FHOD3: variants seen among roughly 807,000 people sequenced by gnomAD.
FHOD3 encodes the protein FH1/FH2 domain-containing protein 3.
A neutral mutation model predicts 173.0 loss-of-function variants in FHOD3; 90 were observed. The ratio of observed to expected loss-of-function variants is 0.52; its 90% confidence interval spans 0.44 to 0.62. The LOEUF (loss-of-function observed/expected upper bound fraction) is 0.62. Among genes scored for constraint, FHOD3 ranks in the 20% least tolerant of loss-of-function variants. The probability of loss-of-function intolerance (pLI) is 0.00; values close to 1 mark genes in which losing one functional copy is unlikely to be tolerated. For missense variants in FHOD3, 1,945 were observed against 2,034.7 expected, an observed-to-expected ratio of 0.96 and a Z score of 0.85; for synonymous variants, 828 against 823.0, an observed-to-expected ratio of 1.01 and a Z score of -0.10.
intron 9 of FHOD3, among the ~76,000 whole-genome samples, chr18:36,623,415 C>A (rs765044670): frequency 2.0e-5 from 3 of 152,156 alleles, no homozygotes; most frequent in Non-Finnish European, 4.4e-5. Context: ...ATGAAAAAAA[C>A]ATTGGCTAGA....
intron 19 of FHOD3, among the ~76,000 whole-genome samples, chr18:36,723,563 T>G (rs1486635211): frequency 1.3e-5 from 2 of 152,178 alleles, no homozygotes; most frequent in African/African-American, 2.4e-5. Flanking sequence ...CATCACTCTT[T>G]TGGCAGGGAG....
chr18:36,327,992 C>G (rs750877155), intron 1 of FHOD3, among the ~76,000 whole-genome samples: 1 of 152,204 alleles, frequency 6.6e-6, no homozygotes, highest in Non-Finnish European at 1.5e-5. Context: ...CAAGCCCCCC[C>G]ACAACCTTAG....
At chr18:36,539,396 G>A (rs2057118425) in intron 5 of FHOD3, among the ~76,000 whole-genome samples, 1 of 152,252 alleles carries the variant, frequency 6.6e-6, no homozygotes, top group African/African-American at 2.4e-5. Context: ...TATTCTGGGT[G>A]AAGGTGCAGA....
At position 36,492,159 on chromosome 18, in the gene FHOD3, A is replaced by G. The variant is rs2054504485; in HGVS notation, c.338-9773A>G. On this transcript the variant is annotated intron_variant, in intron 3 of 28. Transcript: ENST00000590592. ...CGTGGTCTTAAAAATTAAATCATTT[A>G]TTGACATATTAGATGCTGGGGACAC... Among the ~76,000 whole-genome samples, 2 of 152,158 alleles carry G rather than the reference A, an allele frequency of 1.3e-5. 1 individual carries two copies. The highest frequency in any genetic ancestry group is 4.2e-4 in the South Asian group (2 of 4,812).
chr18:36,475,348 G>A (rs1050866475), intron 3 of FHOD3, among the ~76,000 whole-genome samples: 1 of 152,008 alleles, frequency 6.6e-6, no homozygotes, highest in African/African-American at 2.4e-5. Flanking sequence ...TTGGCTGCTG[G>A]CATTTTTGGC....
At chr18:36,395,376 C>T (rs781430458) in intron 3 of FHOD3, among the ~76,000 whole-genome samples, 5 of 151,824 alleles carry the variant, frequency 3.3e-5, no homozygotes, top group Admixed American at 6.6e-5. Flanking sequence ...AAACTATACT[C>T]ACTTCACTTT....
intron 13 of FHOD3, among the ~76,000 whole-genome samples, chr18:36,655,993 G>A (rs1265831009): frequency 6.6e-6 from 1 of 152,202 alleles, no homozygotes; most frequent in Non-Finnish European, 1.5e-5. Flanking sequence ...GTGGTGGGAA[G>A]GGAATTGTTT....
At chr18:36,436,603 C>A (rs1043667276) in intron 3 of FHOD3, among the ~76,000 whole-genome samples, 2 of 152,140 alleles carry the variant, frequency 1.3e-5, no homozygotes, top group African/African-American at 4.8e-5. Flanking sequence ...TATTGCACAT[C>A]TATGAAACAT....
intron 21 of FHOD3, 89 bp from the exon 22 acceptor site, chr18:36,742,648 G>A (rs566871193): frequency 1.2e-5 from 17 of 1,383,662 alleles, no homozygotes; most frequent in East Asian, 2.3e-5. Context: ...GGAGAACACC[G>A]TGTGTTATTC....
intron 3 of FHOD3, among the ~76,000 whole-genome samples, chr18:36,404,454 C>A (rs971567902): frequency 6.6e-6 from 1 of 152,204 alleles, no homozygotes; most frequent in East Asian, 1.9e-4. Flanking sequence ...CAGCAGCTGA[C>A]ACCTAAAAGG....
rs146120105 is a variant in FHOD3 at position 36,402,506 on chromosome 18, TACAC to T, written c.337+29798_337+29801del. Among the ~76,000 whole-genome samples, 1,145 of 143,978 alleles carry T rather than the reference TACAC, an allele frequency of 8.0e-3. 6 individuals are homozygous for T. Among genetic ancestry groups the T allele is most frequent in the Middle Eastern group, 0.017 (5 of 286 alleles). The allele number at this position is 143,978 out of a possible 152,430, so 94.5% of individuals were successfully genotyped here. ...AGTGATATATAATGTGATGCAATTA[TACAC>T]ACACACACACACACACACACACACA... On this transcript the variant is annotated intron_variant, in intron 3 of 28. Transcript: ENST00000590592.
chr18:36,447,741 G>T (rs554462367), intron 3 of FHOD3, among the ~76,000 whole-genome samples: 14 of 152,172 alleles, frequency 9.2e-5, no homozygotes, highest in Admixed American at 2.0e-4. Flanking sequence ...ACTGCAACAG[G>T]TTAAGTTTAA....
chr18:36,323,545 C>T (rs1036068122), intron 1 of FHOD3, among the ~76,000 whole-genome samples: 1 of 152,170 alleles, frequency 6.6e-6, no homozygotes, highest in Non-Finnish European at 1.5e-5. Context: ...AGCACTTGAT[C>T]CCAGGGACAG....
At chr18:36,660,272 C>T (rs1202018358) in intron 14 of FHOD3, among the ~76,000 whole-genome samples, 3 of 151,982 alleles carry the variant, frequency 2.0e-5, no homozygotes, top group Non-Finnish European at 4.4e-5. Flanking sequence ...GTCTCAAAAA[C>T]AAAACAAAAA....
rs374224645 is a variant in FHOD3, at chr18:36,408,838, G to A, written c.337+36094G>A. Among the ~76,000 whole-genome samples the A allele has an allele frequency of 2.4e-4, 36 of 152,276 alleles. 1 individual carries two copies. The highest frequency in any genetic ancestry group is 2.1e-3 in the South Asian group (10 of 4,830). On this transcript the variant is annotated intron_variant, in intron 3 of 28. Coordinates refer to ENST00000590592, the MANE Select transcript of FHOD3 (RefSeq NM_001281740.3). ...ATCACCTCCCAGGAGCAGATGGGCC[G>A]CATGACTCTACCATGAATGGGTTGA... is the stretch of plus-strand genomic sequence containing the variant.
intron 3 of FHOD3, among the ~76,000 whole-genome samples, chr18:36,422,252 C>T (rs2050024742): frequency 6.6e-6 from 1 of 151,962 alleles, no homozygotes; most frequent in African/African-American, 2.4e-5. Context: ...GGTAACATAC[C>T]ATATATACTT....
At chr18:36,667,368 A>G (rs2149283357) in intron 14 of FHOD3, among the ~76,000 whole-genome samples, 1 of 152,340 alleles carries the variant, frequency 6.6e-6, no homozygotes, top group Non-Finnish European at 1.5e-5. Flanking sequence ...GAAAGACAAA[A>G]ACTACCAAAA....
chr18:36,601,955 AGCAGTCATCTCTTGTGCCAAGTCCCCT>A (rs2031446869), intron 7 of FHOD3, among the ~76,000 whole-genome samples: 1 of 152,336 alleles, frequency 6.6e-6, no homozygotes, highest in South Asian at 2.1e-4. Flanking sequence ...GAGCCCAGGC[AGCAGTCATCTCTTGTGCCAAGTCCCCT>A]GCAGTCATCC....
chr18:36,772,145 T>C (rs1457202530), intron 28 of FHOD3, among the ~76,000 whole-genome samples: 5 of 152,274 alleles, frequency 3.3e-5, no homozygotes, highest in Non-Finnish European at 5.9e-5. Context: ...TATATTCTTT[T>C]TATTTAGCCA....
Sources: gnomAD v4.1 joint callset for allele counts (sites outside exome capture counted in the v4.1 genomes callset) on GRCh38, gnomAD v4.1.1 for gene constraint, MANE v1.5 for transcripts, NCBI Gene and HGNC (gene_info 2026-07-23, HGNC 2026-07-21) for gene names.